Variants in LYPD6 observed in about 807,000 individuals in gnomAD.
The protein encoded by LYPD6 is LY6/PLAUR domain containing 6, also known as ly6/PLAUR domain-containing protein 6.
In LYPD6, 15 loss-of-function variants were observed where a neutral mutation model predicts 22.7. The observed-to-expected ratio is 0.66, with a 90% CI of 0.44 to 1.02. The LOEUF is 1.02. LYPD6 is among the 50% of genes least tolerant of loss of function. The pLI is 0.00. For missense variants in LYPD6, 189 were observed against 208.4 expected, an observed-to-expected ratio of 0.91 and a Z score of 0.57; for synonymous variants, 72 against 77.5, an observed-to-expected ratio of 0.93 and a Z score of 0.37.
rs1681810506 is a variant in LYPD6 at position 149,371,568 on chromosome 2, G to A, written c.-72+40846G>A. Among the ~76,000 whole-genome samples the A allele has an allele frequency of 5.9e-5, 9 of 152,222 alleles. No individual in the cohort carries two copies. In the South Asian group the frequency reaches 1.9e-3, roughly 31 times the overall value. ...GAAGAAGCAAGCAGGTTTTTTGTGT[G>A]TGTGTATTTAGGAAGCAGAAACCAT... On this transcript the variant is annotated intron_variant, in intron 1 of 4. Transcript: ENST00000334166.
intron 1 of LYPD6, among the ~76,000 whole-genome samples, chr2:149,383,294 T>A (rs1045225692): frequency 6.6e-6 from 1 of 152,172 alleles, no homozygotes. Context: ...AAACAGAGTG[T>A]TCATTTTGTA....
intron 1 of LYPD6, among the ~76,000 whole-genome samples, chr2:149,363,551 G>C (rs1224078932): frequency 1.3e-5 from 2 of 152,146 alleles, no homozygotes; most frequent in African/African-American, 4.8e-5. Context: ...GTGATATGTC[G>C]TGAAGAAAAT....
At chr2:149,474,471 GTTC>G (rs887762142), downstream of LYPD6, among the ~76,000 whole-genome samples, 1 of 151,936 alleles carries the variant, frequency 6.6e-6, no homozygotes, top group African/African-American at 2.4e-5. Flanking sequence ...GCCTCCCAAA[GTTC>G]TGGGATTATA....
chr2:149,458,024 T>A (rs964937485), intron 3 of LYPD6, among the ~76,000 whole-genome samples: 1 of 152,176 alleles, frequency 6.6e-6, no homozygotes, highest in South Asian at 2.1e-4. Flanking sequence ...GGGGGAAGCC[T>A]AGAAAGATAA....
chr2:149,419,829 GGTGT>G (rs61066659), intron 1 of LYPD6, among the ~76,000 whole-genome samples: 26 of 149,920 alleles, frequency 1.7e-4, no homozygotes, highest in African/African-American at 5.6e-4. Flanking sequence ...ATGTGCTCAG[GGTGT>G]GTGTGTGTGT....
chr2:149,374,055 G>A (rs1436363300), intron 1 of LYPD6, among the ~76,000 whole-genome samples: 1 of 152,110 alleles, frequency 6.6e-6, no homozygotes, highest in Non-Finnish European at 1.5e-5. Context: ...GCAAAGTATT[G>A]AGGGAACTTC....
rs536306674 is a variant in LYPD6, at chr2:149,350,197, G to A, written c.-72+19475G>A. ...AATGGTTAGAGACATTGTGCCTTTTGTCCCCTCTCCCCACTTTTTCCTAGA... is the reference window on the plus strand; with the variant it reads ...AATGGTTAGAGACATTGTGCCTTTTATCCCCTCTCCCCACTTTTTCCTAGA... On this transcript the variant is annotated intron_variant, in intron 1 of 4. Transcript: ENST00000334166. Among the ~76,000 whole-genome samples, 18 of 152,266 alleles carry A rather than the reference G, an allele frequency of 1.2e-4. 1 individual carries two copies. The South Asian group carries it at 2.9e-3, about 25-fold the overall frequency.
intron 1 of LYPD6, among the ~76,000 whole-genome samples, chr2:149,377,896 T>G (rs1015462191): frequency 1.3e-5 from 2 of 150,686 alleles, no homozygotes; most frequent in African/African-American, 4.9e-5. Flanking sequence ...TGGAGCCTCC[T>G]GCAGGCCTCA....
At chr2:149,446,921 T>A (rs561909937) in intron 2 of LYPD6, among the ~76,000 whole-genome samples, 3 of 152,214 alleles carry the variant, frequency 2.0e-5, no homozygotes, top group Non-Finnish European at 4.4e-5. Context: ...CTCCTTCATT[T>A]ATTTTTGATA....
chr2:149,335,561 TTAAAG>T (rs1289281972), intron 1 of LYPD6, among the ~76,000 whole-genome samples: 1 of 152,136 alleles, frequency 6.6e-6, no homozygotes, highest in Non-Finnish European at 1.5e-5. Context: ...AGAAAAAATG[TTAAAG>T]TAAATTTAGG....
chr2:149,351,673 T>C (rs990017970), intron 1 of LYPD6, among the ~76,000 whole-genome samples: 4 of 152,148 alleles, frequency 2.6e-5, no homozygotes, highest in Non-Finnish European at 5.9e-5. Context: ...TGTGTATGTA[T>C]TGTTCCAGGA....
intron 1 of LYPD6, among the ~76,000 whole-genome samples, chr2:149,382,204 A>C (rs1272306711): frequency 6.6e-6 from 1 of 152,196 alleles, no homozygotes; most frequent in Non-Finnish European, 1.5e-5. Flanking sequence ...AAATATATTA[A>C]TTAACACTAG....
intron 1 of LYPD6, among the ~76,000 whole-genome samples, chr2:149,398,256 G>C (rs1268898783): frequency 6.6e-6 from 1 of 151,916 alleles, no homozygotes; most frequent in Non-Finnish European, 1.5e-5. Context: ...TTCAGTTACT[G>C]TCTCTCTTCC....
At chr2:149,352,604 GC>G (rs1468572268) in intron 1 of LYPD6, among the ~76,000 whole-genome samples, 5 of 152,142 alleles carry the variant, frequency 3.3e-5, no homozygotes, top group Admixed American at 3.3e-4. Context: ...AATCTGGGTG[GC>G]TACCTCCTTT....
At chr2:149,445,247 C>T (rs1412443465) in intron 2 of LYPD6, among the ~76,000 whole-genome samples, 2 of 152,144 alleles carry the variant, frequency 1.3e-5, no homozygotes, top group East Asian at 3.9e-4. Context: ...GTGCTGTCAT[C>T]CAGGCTTTGT....
At chr2:149,451,358 A>G (rs1680800828) in intron 3 of LYPD6, among the ~76,000 whole-genome samples, 1 of 152,174 alleles carries the variant, frequency 6.6e-6, no homozygotes, top group African/African-American at 2.4e-5. Flanking sequence ...CCACCTCTTA[A>G]TATCCTCACA....
chr2:149,383,147 T>G (rs1373732793), intron 1 of LYPD6, among the ~76,000 whole-genome samples: 1 of 152,170 alleles, frequency 6.6e-6, no homozygotes, highest in African/African-American at 2.4e-5. Flanking sequence ...CACCACTATT[T>G]CCAAAACCTT....
intron 1 of LYPD6, among the ~76,000 whole-genome samples, chr2:149,348,109 C>T (rs931798542): frequency 6.8e-6 from 1 of 146,048 alleles, no homozygotes; most frequent in Non-Finnish European, 1.5e-5. Context: ...AGCAACTGTT[C>T]TCATGGAACT....
At chr2:149,341,860 C>G (rs932594995) in intron 1 of LYPD6, among the ~76,000 whole-genome samples, 1 of 152,138 alleles carries the variant, frequency 6.6e-6, no homozygotes, top group African/African-American at 2.4e-5. Context: ...TGCATAATCA[C>G]CTCTTGAAAG....
Sources: gnomAD v4.1 joint callset for allele counts (sites outside exome capture counted in the v4.1 genomes callset) on GRCh38, gnomAD v4.1.1 for gene constraint, MANE v1.5 for transcripts, NCBI Gene and HGNC (gene_info 2026-07-23, HGNC 2026-07-21) for gene names.